Variants in ITSN2 observed in about 807,000 individuals in gnomAD.
ITSN2 encodes the protein intersectin 2, also known as intersectin-2.
In ITSN2, 156 loss-of-function variants were observed where a neutral mutation model predicts 243.7. The ratio of observed to expected loss-of-function variants is 0.64; its 90% CI spans 0.56 to 0.73. The LOEUF (loss-of-function observed/expected upper bound fraction) is 0.73. ITSN2 is among the 30% of genes least tolerant of loss of function. The pLI is 0.00. For synonymous variants in ITSN2, 703 were observed against 699.9 expected, an observed-to-expected ratio of 1.00 and a Z score of -0.07; for missense variants, 1,801 against 1,996.1, an observed-to-expected ratio of 0.90 and a Z score of 1.86.
intron 15 of ITSN2, among the ~76,000 whole-genome samples, chr2:24,286,867 G>T (rs768990866): frequency 7.2e-5 from 11 of 152,270 alleles, no homozygotes; most frequent in Admixed American, 2.6e-4. Context: ...GGTAAGAACA[G>T]AAGGTTTCAT....
At chr2:24,291,438 A>T in intron 15 of ITSN2, among the ~76,000 whole-genome samples, 1 of 151,226 alleles carries the variant, frequency 6.6e-6, no homozygotes, top group East Asian at 1.9e-4. Flanking sequence ...CTATTCAGGA[A>T]TCTTTCACGT....
chr2:24,279,699 C>T (rs1048156826), intron 17 of ITSN2, among the ~76,000 whole-genome samples: 1 of 146,470 alleles, frequency 6.8e-6, no homozygotes, highest in African/African-American at 2.5e-5. Flanking sequence ...TTTCGTTGCA[C>T]TTCACTGCTA....
chr2:24,303,315 T>C (rs1234607556), intron 9 of ITSN2, among the ~76,000 whole-genome samples: 4 of 152,178 alleles, frequency 2.6e-5, no homozygotes, highest in African/African-American at 9.7e-5. Flanking sequence ...AGGTAGAAGA[T>C]AGTGATACTG....
intron 17 of ITSN2, among the ~76,000 whole-genome samples, chr2:24,281,907 A>G (rs1678830053): frequency 6.6e-6 from 1 of 152,206 alleles, no homozygotes; most frequent in Admixed American, 6.5e-5. Flanking sequence ...GAGTTATATC[A>G]TGTCCTCCTC....
chr2:24,220,063 T>A (rs1231474655), intron 30 of ITSN2, among the ~76,000 whole-genome samples: 1 of 152,074 alleles, frequency 6.6e-6, no homozygotes, highest in Non-Finnish European at 1.5e-5. Flanking sequence ...AAGTATTCCA[T>A]GTCTGGATAT....
chr2:24,336,943 C>T (rs747223397), intron 1 of ITSN2, among the ~76,000 whole-genome samples: 22 of 151,810 alleles, frequency 1.4e-4, no homozygotes, highest in African/African-American at 2.4e-4. Flanking sequence ...GGAGAGGCAA[C>T]GATGAACTGA....
chr2:24,256,297 CCAGAAACACAGAAA>C (rs1574036460), intron 23 of ITSN2, among the ~76,000 whole-genome samples: 1 of 152,230 alleles, frequency 6.6e-6, no homozygotes, highest in African/African-American at 2.4e-5. Context: ...GCACTACCTT[CCAGAAACACAGAAA>C]CTCAGCAGTG....
At chr2:24,223,257 A>G (rs145498254) in intron 29 of ITSN2, among the ~76,000 whole-genome samples, 1 of 152,350 alleles carries the variant, frequency 6.6e-6, no homozygotes, top group Non-Finnish European at 1.5e-5. Flanking sequence ...TACATTTTGT[A>G]TAGATCTGGG....
At position 24,310,313 on chromosome 2, in the gene ITSN2, C is replaced by G; in HGVS notation, c.624G>C (p.Ala208=). Reference sequence around the variant, plus strand: ...TAGATCCTAAATCAATCAGAGACTGCGCTTTCTGTATACTAGCACCTCCAA... The same window carrying G: ...TAGATCCTAAATCAATCAGAGACTGGGCTTTCTGTATACTAGCACCTCCAA... ...GGFGGASIQK[A]QSLIDLGSSS... Residue 208 remains alanine (A), a synonymous_variant, in exon 7 of 40, where the codon GCG becomes GCC. Transcript: ENST00000355123. 1 of 1,613,294 alleles carries G rather than the reference C, an allele frequency of 6.2e-7. No homozygotes were observed. Among genetic ancestry groups the G allele is most frequent in the Non-Finnish European group, 8.5e-7 (1 of 1,179,618 alleles).
intron 30 of ITSN2, chr2:24,220,240 C>T: frequency 1.3e-6 from 1 of 795,350 alleles, no homozygotes; most frequent in Non-Finnish European, 1.5e-6. Flanking sequence ...CTGTTCTTTT[C>T]AGGTGGTTTG....
chr2:24,270,769 C>G lies in ITSN2; in HGVS notation c.2258-1G>C. On this transcript the variant is annotated splice_acceptor_variant, in intron 19 of 39. Transcript: ENST00000355123. LOFTEE classifies it high-confidence loss of function. The stretch of plus-strand genomic sequence containing the variant: ...TTCACCAAAACACTAGCTGTCTCAC[C>G]TAAAGAGAAGACAATTGTCATTATT... 1 of 1,520,962 alleles carries G rather than the reference C, an allele frequency of 6.6e-7. No homozygotes were observed. Among genetic ancestry groups the G allele is most frequent in the East Asian group, 2.3e-5 (1 of 44,264 alleles). 94.2% of individuals were successfully genotyped at this position (1,520,962 alleles called of 1,614,324 possible).
intron 37 of ITSN2, among the ~76,000 whole-genome samples, chr2:24,207,037 A>C (rs1474443472): frequency 6.6e-6 from 1 of 152,114 alleles, no homozygotes; most frequent in African/African-American, 2.4e-5. Context: ...GGAAAGAGCT[A>C]GGGATGGGGC....
chr2:24,314,272 G>A (rs983824246), intron 3 of ITSN2, among the ~76,000 whole-genome samples: 5 of 152,150 alleles, frequency 3.3e-5, no homozygotes, highest in South Asian at 2.1e-4. Context: ...TCTTCCACCC[G>A]TAATGGACAA....
intron 15 of ITSN2, among the ~76,000 whole-genome samples, chr2:24,291,199 G>A (rs1680198299): frequency 6.6e-6 from 1 of 151,526 alleles, no homozygotes; most frequent in Non-Finnish European, 1.5e-5. Flanking sequence ...GCACCATCTC[G>A]GCCCACTGCA....
Position 24,332,902 on chromosome 2 carries a change from C to T in ITSN2, c.-33-4787G>A, listed in dbSNP as rs1247953419. ...ATCACAGTAGATGTACTGTGTCATG[C>T]TGAGTATTCATTGAGAATCCAATGT... On this transcript the variant is annotated intron_variant, in intron 1 of 39. Transcript: ENST00000355123. Among the ~76,000 whole-genome samples, 4 of 152,258 alleles carry T rather than the reference C, an allele frequency of 2.6e-5. No homozygotes were observed. In the East Asian group the frequency reaches 7.7e-4, roughly 29 times the overall value.
intron 16 of ITSN2, 99 bp downstream of exon 16, chr2:24,286,113 G>T: frequency 3.0e-6 from 2 of 664,000 alleles, no homozygotes; most frequent in Non-Finnish European, 2.5e-6. Flanking sequence ...TTATGAAAAT[G>T]TAATACATAT....
intron 32 of ITSN2, among the ~76,000 whole-genome samples, chr2:24,213,085 A>T (rs998909556): frequency 1.3e-5 from 2 of 152,000 alleles, no homozygotes; most frequent in African/African-American, 4.8e-5. Flanking sequence ...AGCCCAGCGG[A>T]TGCTCCTCAG....
intron 22 of ITSN2, among the ~76,000 whole-genome samples, chr2:24,258,971 C>T (rs181169161): frequency 6.6e-6 from 1 of 152,282 alleles, no homozygotes; most frequent in African/African-American, 2.4e-5. Context: ...TTCCACAGGA[C>T]TTCCCTAAAT....
At chr2:24,222,928 G>A (rs896705680) in intron 29 of ITSN2, among the ~76,000 whole-genome samples, 5 of 152,010 alleles carry the variant, frequency 3.3e-5, no homozygotes, top group African/African-American at 1.2e-4. Context: ...CGCCCACCTT[G>A]GCCTCCCAAA....
Sources: gnomAD v4.1 joint callset for allele counts (sites outside exome capture counted in the v4.1 genomes callset) on GRCh38, gnomAD v4.1.1 for gene constraint, MANE v1.5 for transcripts, NCBI Gene and HGNC (gene_info 2026-07-23, HGNC 2026-07-21) for gene names.